The following BTG4 variants were observed in gnomAD, a reference collection of about 807,000 sequenced individuals.
The protein encoded by BTG4 is BTG anti-proliferation factor 4, also known as protein BTG4.
Under a neutral mutation model 19.3 loss-of-function variants are expected in BTG4, and 10 were observed. That is an observed-to-expected ratio of 0.52 (90% CI 0.32 to 0.88). The LOEUF (loss-of-function observed/expected upper bound fraction) is 0.88. Ranked by LOEUF, BTG4 falls within the 40% of genes least tolerant of loss-of-function variation. The pLI is 0.04. For missense variants in BTG4, 238 were observed against 281.9 expected, an observed-to-expected ratio of 0.84 and a Z score of 1.11; for synonymous variants, 91 against 95.7, an observed-to-expected ratio of 0.95 and a Z score of 0.29.
At chr11:111,429,810 C>A in the BTG4 span, among the ~76,000 whole-genome samples, 1 of 152,232 alleles carries the variant, frequency 6.6e-6, no homozygotes, top group Admixed American at 6.5e-5. Flanking sequence ...CACTTCAATT[C>A]TTCTGCTGCT....
At chr11:111,432,017 ATAGT>A in the BTG4 span, among the ~76,000 whole-genome samples, 22,391 of 152,196 alleles carry the variant, frequency 0.15, 2,200 homozygotes, top group African/African-American at 0.28. Context: ...TTACAAAAAA[ATAGT>A]TAGAGCACAC....
the BTG4 span, among the ~76,000 whole-genome samples, chr11:111,442,505 A>G: frequency 2.5e-5 from 2 of 79,156 alleles, no homozygotes; most frequent in African/African-American, 9.9e-5. Context: ...TTTCAAAAAA[A>G]ATGTATACAC....
At position 111,498,265 on chromosome 11, in the gene BTG4, C is replaced by A. The variant is rs577179868; in HGVS notation, c.174-130G>T. 22 of 933,168 alleles carry A rather than the reference C, an allele frequency of 2.4e-5. No homozygotes were observed. In the African/African-American group the frequency reaches 3.5e-4, roughly 15 times the overall value. The allele number at this position is 933,168 out of a possible 1,614,324, so 57.8% of individuals were successfully genotyped here. A position where few individuals can be genotyped will look rare whatever the true frequency, so the allele number is the denominator to read the frequency against. On this transcript the variant is annotated intron_variant, in intron 2 of 4. Coordinates refer to ENST00000692032, the MANE Select transcript of BTG4 (RefSeq NM_001367975.1). ...CCTCAGCCTCCTTCCCCTCAGCCTCCTCCACCCTCCACTCTTACAAGTAAG... is the reference window on the plus strand; with the variant it reads ...CCTCAGCCTCCTTCCCCTCAGCCTCATCCACCCTCCACTCTTACAAGTAAG...
At chr11:111,473,722 T>C (rs889331890) in intron 5 of BTG4, among the ~76,000 whole-genome samples, 6 of 152,218 alleles carry the variant, frequency 3.9e-5, no homozygotes, top group Non-Finnish European at 7.3e-5. Flanking sequence ...AAAAAAGTTG[T>C]AGTTTAAAGC....
At chr11:111,401,253 A>G in the BTG4 span, among the ~76,000 whole-genome samples, 33 of 152,122 alleles carry the variant, frequency 2.2e-4, no homozygotes, top group East Asian at 6.0e-3. Context: ...TTGGGAGGCC[A>G]AGGCGGGCGG....
intron 4 of BTG4, 54 bp downstream of exon 4, chr11:111,497,157 C>A: frequency 1.3e-6 from 2 of 1,497,202 alleles, no homozygotes; most frequent in East Asian, 2.3e-5. Flanking sequence ...TGAGTGCATT[C>A]TTTTTAGAAT....
At chr11:111,487,432 C>G (rs1865137025) in intron 5 of BTG4, among the ~76,000 whole-genome samples, 1 of 152,024 alleles carries the variant, frequency 6.6e-6, no homozygotes, top group Non-Finnish European at 1.5e-5. Context: ...TTAAAATACT[C>G]AACAAATTGG....
the BTG4 span, among the ~76,000 whole-genome samples, chr11:111,391,522 C>T: frequency 4.1e-4 from 63 of 152,300 alleles, no homozygotes; most frequent in South Asian, 8.3e-4. Flanking sequence ...GGACTTCTTC[C>T]TCCTCGCCAT....
chr11:111,388,513 C>T, the BTG4 span, among the ~76,000 whole-genome samples: 1 of 152,136 alleles, frequency 6.6e-6, no homozygotes, highest in African/African-American at 2.4e-5. Flanking sequence ...ACAAAAGCCT[C>T]CAGCTTAAGT....
intron 5 of BTG4, among the ~76,000 whole-genome samples, chr11:111,481,586 A>C (rs1864744759): frequency 6.6e-6 from 1 of 151,902 alleles, no homozygotes; most frequent in East Asian, 1.9e-4. Context: ...AAATATTAGC[A>C]AATAAATTTC....
chr11:111,480,570 T>C (rs1054473812), intron 5 of BTG4, among the ~76,000 whole-genome samples: 1 of 151,744 alleles, frequency 6.6e-6, no homozygotes, highest in Admixed American at 6.6e-5. Context: ...TAAACAAACC[T>C]CAACAAATTT....
chr11:111,513,339 C>T (rs1867086652), upstream of BTG4: 1 of 518,170 alleles, frequency 1.9e-6, no homozygotes, highest in African/African-American at 1.9e-5. Flanking sequence ...GTAGAGTATT[C>T]ACCAAGCTAG....
intron 5 of BTG4, among the ~76,000 whole-genome samples, chr11:111,478,415 T>C (rs1864524871): frequency 6.6e-6 from 1 of 151,982 alleles, no homozygotes; most frequent in South Asian, 2.1e-4. Flanking sequence ...TTAAATAAAA[T>C]CCCAAGTCTC....
At chr11:111,465,311 A>G (rs939762923), downstream of BTG4, among the ~76,000 whole-genome samples, 1 of 152,026 alleles carries the variant, frequency 6.6e-6, no homozygotes, top group African/African-American at 2.4e-5. Context: ...ACTATGGCCC[A>G]CTCCATACCT....
chr11:111,442,534 ACACACACACACC>A, the BTG4 span, among the ~76,000 whole-genome samples: 6 of 151,068 alleles, frequency 4.0e-5, no homozygotes, highest in South Asian at 4.2e-4. Flanking sequence ...ACACACACAC[ACACACACACACC>A]AGATGAGCCT....
the BTG4 span, among the ~76,000 whole-genome samples, chr11:111,409,597 T>C: frequency 3.3e-5 from 5 of 152,180 alleles, no homozygotes; most frequent in African/African-American, 9.7e-5. Flanking sequence ...CATGCTTCTT[T>C]TACAGCCTGC....
the BTG4 span, among the ~76,000 whole-genome samples, chr11:111,412,686 G>GA: frequency 5.3e-5 from 8 of 152,208 alleles, no homozygotes; most frequent in East Asian, 1.5e-3. Context: ...CACTTTATAG[G>GA]AAAGAAAACA....
At chr11:111,393,686 G>A in the BTG4 span, among the ~76,000 whole-genome samples, 5 of 152,312 alleles carry the variant, frequency 3.3e-5, no homozygotes, top group Admixed American at 1.3e-4. Context: ...AGGAGAGGGA[G>A]ATGCTCTAGG....
the BTG4 span, among the ~76,000 whole-genome samples, chr11:111,421,267 G>A: frequency 6.6e-6 from 1 of 152,124 alleles, no homozygotes; most frequent in Non-Finnish European, 1.5e-5. Context: ...AGGATGAGAT[G>A]GCATAATTAG....
Sources: allele counts gnomAD v4.1 joint callset (sites outside exome capture counted in the v4.1 genomes callset), GRCh38; gene constraint gnomAD v4.1.1; transcripts MANE v1.5; gene names NCBI Gene and HGNC (gene_info 2026-07-23, HGNC 2026-07-21).